The following CHD6 variants were observed in gnomAD, a reference collection of about 807,000 sequenced individuals.
The protein encoded by CHD6 is chromodomain helicase DNA binding protein 6.
Under a neutral mutation model 276.9 loss-of-function variants are expected in CHD6, and 50 were observed. The ratio of observed to expected loss-of-function variants is 0.18; its 90% CI spans 0.14 to 0.23. The LOEUF (loss-of-function observed/expected upper bound fraction) is 0.23. Among genes scored for constraint, CHD6 ranks in the 10% least tolerant of loss-of-function variants. CHD6 has a pLI of 1.00. For synonymous variants in CHD6, 1,173 were observed against 1,229.3 expected, an observed-to-expected ratio of 0.95 and a Z score of 0.96; for missense variants, 2,564 against 3,365.8, an observed-to-expected ratio of 0.76 and a Z score of 5.89.
intron 1 of CHD6, among the ~76,000 whole-genome samples, chr20:41,610,402 T>A (rs1478179223): frequency 2.6e-5 from 4 of 152,164 alleles, no homozygotes; most frequent in African/African-American, 4.8e-5. Flanking sequence ...GAGGAGAGGA[T>A]AAGACTCAGT....
chr20:41,411,862 A>T (rs1378194048), intron 36 of CHD6, among the ~76,000 whole-genome samples: 1 of 152,234 alleles, frequency 6.6e-6, no homozygotes, highest in African/African-American at 2.4e-5. Flanking sequence ...TAACTCTACA[A>T]ATAGGAGAAA....
At chr20:41,563,766 T>C (rs2045326917) in intron 1 of CHD6, among the ~76,000 whole-genome samples, 1 of 152,172 alleles carries the variant, frequency 6.6e-6, no homozygotes, top group Non-Finnish European at 1.5e-5. Flanking sequence ...CCCTATGTCA[T>C]AATGTCAATT....
chr20:41,433,241 A>C (rs1259228461), intron 27 of CHD6, among the ~76,000 whole-genome samples: 2 of 152,214 alleles, frequency 1.3e-5, no homozygotes, highest in Non-Finnish European at 2.9e-5. Context: ...TTAGCAAAAG[A>C]CAGAAATCAG....
chr20:41,419,436 C>T (rs564725774), intron 31 of CHD6, among the ~76,000 whole-genome samples: 8 of 151,250 alleles, frequency 5.3e-5, no homozygotes, highest in Middle Eastern at 3.4e-3. Context: ...ATCAGTCAGA[C>T]GTGGTGGCAC....
chr20:41,421,140 C>T lies in CHD6; in HGVS notation c.5495G>A (p.Cys1832Tyr). 1 of 1,614,108 alleles carries T rather than the reference C, an allele frequency of 6.2e-7. No homozygotes were observed. ...GFVDMCSLSV[C>Y]DSKRNLSSDQ... ...TGATGACAGGTTTCTTTTGGAGTCA[C>T]AGACACTAAGACTGCACATATCTAC... Residue 1832 changes from cysteine (C) to tyrosine (Y), a missense_variant, in exon 31 of 37, where the codon TGT (cysteine) becomes TAT (tyrosine). Cys to Tyr is a radical substitution (Grantham distance 194). Around this residue, in one of 7 missense-constraint regions of CHD6, gnomAD observed 1,024 missense variants for 1,047.9 expected, o/e 0.98. Coordinates refer to ENST00000373233, the MANE Select transcript of CHD6 (RefSeq NM_032221.5).
In CHD6 at chr20:41,549,681, T is replaced by TAA. The variant is rs534125238; in HGVS notation, c.33+1622_33+1623dup. Among the ~76,000 whole-genome samples, 77 of 144,396 alleles carry TAA rather than the reference T, an allele frequency of 5.3e-4. 1 individual carries two copies. Among genetic ancestry groups the TAA allele is most frequent in the African/African-American group, 1.7e-3 (67 of 39,482 alleles). The allele number at this position is 144,396 out of a possible 152,430, so 94.7% of individuals were successfully genotyped here. A position where few individuals can be genotyped will look rare whatever the true frequency, so the allele number is the denominator to read the frequency against. On this transcript the variant is annotated intron_variant, in intron 2 of 36. Coordinates refer to ENST00000373233, the MANE Select transcript of CHD6 (RefSeq NM_032221.5). ...AAAAAAATAAAATATTTTGGGTCCA[T>TAA]AAAAAAAAAAGCTTATCTTAAAGGA... is the stretch of plus-strand genomic sequence containing the variant.
intron 2 of CHD6, among the ~76,000 whole-genome samples, chr20:41,539,569 A>C (rs1320994582): frequency 1.3e-5 from 2 of 152,228 alleles, no homozygotes; most frequent in Non-Finnish European, 2.9e-5. Context: ...CTGGGGCCCC[A>C]TGAGGGCAGT....
intron 16 of CHD6, among the ~76,000 whole-genome samples, chr20:41,474,305 T>C (rs1014749161): frequency 2.6e-5 from 4 of 151,948 alleles, no homozygotes; most frequent in Non-Finnish European, 5.9e-5. Flanking sequence ...GGAAAAAGAA[T>C]AAGAAATGAA....
chr20:41,427,579 T>C (rs2047405187), intron 27 of CHD6, among the ~76,000 whole-genome samples: 1 of 152,180 alleles, frequency 6.6e-6, no homozygotes, highest in South Asian at 2.1e-4. Flanking sequence ...GCCAACACTT[T>C]CAACTAACAA....
intron 14 of CHD6, among the ~76,000 whole-genome samples, chr20:41,486,867 G>C (rs2043427190): frequency 6.6e-6 from 1 of 151,576 alleles, no homozygotes; most frequent in South Asian, 2.1e-4. Context: ...TCTATGCAGA[G>C]TGGTTACCAC....
At chr20:41,441,190 C>T (rs1452624979) in intron 25 of CHD6, among the ~76,000 whole-genome samples, 1 of 152,122 alleles carries the variant, frequency 6.6e-6, no homozygotes, top group Non-Finnish European at 1.5e-5. Context: ...CTCATGAGGT[C>T]GTGAGCTTCC....
At chr20:41,484,900 G>A (rs780133159) in intron 14 of CHD6, among the ~76,000 whole-genome samples, 7 of 152,112 alleles carry the variant, frequency 4.6e-5, no homozygotes, top group Non-Finnish European at 1.0e-4. Flanking sequence ...GAGAAAACAT[G>A]TCTCTCTGTC....
chr20:41,526,205 G>T (rs1336380160), intron 3 of CHD6, among the ~76,000 whole-genome samples: 4 of 151,940 alleles, frequency 2.6e-5, no homozygotes, highest in African/African-American at 9.7e-5. Flanking sequence ...TCCAAGGTGG[G>T]TCTCTGACAT....
At chr20:41,595,280 T>G (rs546239077) in intron 1 of CHD6, among the ~76,000 whole-genome samples, 1 of 152,282 alleles carries the variant, frequency 6.6e-6, no homozygotes, top group South Asian at 2.1e-4. Flanking sequence ...CAGGACACCC[T>G]GGAAGTTGAA....
At chr20:41,552,621 A>G (rs1462232752) in intron 1 of CHD6, among the ~76,000 whole-genome samples, 1 of 152,230 alleles carries the variant, frequency 6.6e-6, no homozygotes, top group African/African-American at 2.4e-5. Flanking sequence ...CAGAAAAATG[A>G]AAGACATGAT....
chr20:41,545,711 T>C (rs2045026600), intron 2 of CHD6, among the ~76,000 whole-genome samples: 1 of 152,166 alleles, frequency 6.6e-6, no homozygotes. Flanking sequence ...TTATTCTTTG[T>C]CCTAGTTCAC....
At chr20:41,491,674 T>A (rs768484967) in intron 11 of CHD6, 24 bp downstream of exon 11, 1 of 1,613,448 alleles carries the variant, frequency 6.2e-7, no homozygotes, top group Admixed American at 1.7e-5. Context: ...GGTACAAACA[T>A]CTGGGCTGGT....
chr20:41,497,702 A>T, intron 7 of CHD6: 1 of 570,344 alleles, frequency 1.8e-6, no homozygotes, highest in Non-Finnish European at 3.1e-6. Flanking sequence ...ATTCCAAGCA[A>T]CTGATCTCTC....
At chr20:41,549,932 G>A (rs532602834) in intron 2 of CHD6, among the ~76,000 whole-genome samples, 1 of 152,294 alleles carries the variant, frequency 6.6e-6, no homozygotes, top group East Asian at 1.9e-4. Context: ...CTGAGTAGCT[G>A]CGATTACAGG....
Sources: gnomAD v4.1 joint callset for allele counts (sites outside exome capture counted in the v4.1 genomes callset) on GRCh38, gnomAD v4.1.1 for gene constraint, gnomAD v4.1.1 regional missense constraint, MANE v1.5 for transcripts, NCBI Gene and HGNC (gene_info 2026-07-23, HGNC 2026-07-21) for gene names.